The following UBE2U variants were observed in gnomAD, a reference collection of about 807,000 sequenced individuals.
The protein encoded by UBE2U is ubiquitin conjugating enzyme E2 U.
UBE2U carries 39 observed loss-of-function variants against 41.2 expected under a neutral mutation model. That is an observed-to-expected ratio of 0.95 (90% CI 0.73 to 1.24). The LOEUF (loss-of-function observed/expected upper bound fraction) is 1.24. Ranked by LOEUF, UBE2U falls within the 50% of genes most tolerant of loss-of-function variation. UBE2U has a pLI of 0.00. For missense variants in UBE2U, 336 were observed against 363.1 expected, an observed-to-expected ratio of 0.93 and a Z score of 0.61; for synonymous variants, 107 against 117.8, an observed-to-expected ratio of 0.91 and a Z score of 0.60.
intron 3 of UBE2U, among the ~76,000 whole-genome samples, chr1:64,207,468 TGTCTTTTTTCTGCATTATTAAACA>T (rs1651373198): frequency 1.3e-5 from 2 of 152,232 alleles, no homozygotes; most frequent in Admixed American, 1.3e-4. Flanking sequence ...TAAAACTATA[TGTCTTTTTTCTGCATTATTAAACA>T]GTCTTCAAAA....
chr1:64,232,593 A>G lies in UBE2U; in HGVS notation c.539A>G (p.Tyr180Cys), dbSNP rs1644587556. The change falls in exon 7 of 10, where the codon TAC becomes TGC. Residue 180 changes from tyrosine to cysteine, a missense_variant. Transcript: ENST00000371077. ...PIKTTSFSDY[Y>C]QTWSRIATSK... is the part of the protein sequence containing the mutation. ...AAAACAACCTCATTTAGTGATTACTACCAGACATGGTCCAGAATAGCTACA... is the reference window on the plus strand; with the variant it reads ...AAAACAACCTCATTTAGTGATTACTGCCAGACATGGTCCAGAATAGCTACA... The G allele has an allele frequency of 6.2e-7, 1 of 1,613,442 alleles. No homozygotes were observed. The highest frequency in any genetic ancestry group is 1.7e-5 in the Admixed American group (1 of 59,976).
At chr1:64,252,577 C>T (rs1037594081) in intron 8 of UBE2U, among the ~76,000 whole-genome samples, 2 of 152,156 alleles carry the variant, frequency 1.3e-5, no homozygotes, top group African/African-American at 4.8e-5. Context: ...TGTTTTGCAG[C>T]CCGCACTGGT....
chr1:64,264,833 C>T (rs1021494478), intron 9 of UBE2U, among the ~76,000 whole-genome samples: 1 of 152,008 alleles, frequency 6.6e-6, no homozygotes, highest in South Asian at 2.1e-4. Flanking sequence ...GCCTATAGTC[C>T]CAGTTACTTG....
chr1:64,263,256 C>A (rs544406540), intron 9 of UBE2U, among the ~76,000 whole-genome samples: 2 of 152,068 alleles, frequency 1.3e-5, no homozygotes, highest in Non-Finnish European at 2.9e-5. Flanking sequence ...CCTACATGAA[C>A]AAAACATGTT....
intron 6 of UBE2U, among the ~76,000 whole-genome samples, chr1:64,229,486 A>T (rs1653132045): frequency 6.6e-6 from 1 of 152,148 alleles, no homozygotes; most frequent in African/African-American, 2.4e-5. Context: ...TCCTGATTTT[A>T]TAGATGGGGA....
At chr1:64,229,811 T>C (rs1557720623) in intron 6 of UBE2U, among the ~76,000 whole-genome samples, 1 of 152,310 alleles carries the variant, frequency 6.6e-6, no homozygotes, top group Middle Eastern at 3.4e-3. Context: ...TTCAAAATAC[T>C]TACTAACTTT....
chr1:64,227,056 G>T (rs752094403), intron 6 of UBE2U, among the ~76,000 whole-genome samples: 2 of 152,166 alleles, frequency 1.3e-5, no homozygotes, highest in Non-Finnish European at 2.9e-5. Flanking sequence ...TCCAGCAAAA[G>T]TATTTGTTAA....
rs112692573 is a variant in UBE2U, at chr1:64,236,591, T to G, written c.595+3942T>G. ...CCTTAATGACAGAATATGATCCCCATAAGGAAATGTTTATGTTAGAGGAAA... is the reference window on the plus strand; with the variant it reads ...CCTTAATGACAGAATATGATCCCCAGAAGGAAATGTTTATGTTAGAGGAAA... On this transcript the variant is annotated intron_variant, in intron 7 of 9. Transcript: ENST00000371077. 2.7e-3 allele frequency among the ~76,000 whole-genome samples: 418 copies of G among 152,180 alleles called. 2 individuals are homozygous for G. The highest frequency in any genetic ancestry group is 9.6e-3 in the African/African-American group (399 of 41,528).
intron 7 of UBE2U, among the ~76,000 whole-genome samples, chr1:64,239,126 GAAGAAGAA>G (rs1644753049): frequency 4.4e-5 from 1 of 22,868 alleles, no homozygotes; most frequent in African/African-American, 2.3e-4. Flanking sequence ...AGAAGAAGAA[GAAGAAGAA>G]GAAGAAGAAG....
intron 9 of UBE2U, among the ~76,000 whole-genome samples, chr1:64,263,989 G>A (rs1242118931): frequency 6.6e-6 from 1 of 152,126 alleles, no homozygotes; most frequent in Non-Finnish European, 1.5e-5. Flanking sequence ...AGTGGGTCAC[G>A]ACTCTTTTTT....
chr1:64,266,124 G>C lies in UBE2U; in HGVS notation c.770-900G>C, dbSNP rs112343677. On this transcript the variant is annotated intron_variant, in intron 9 of 9. Transcript: ENST00000371077. ...CAGAACATAAATAGTACCAGCTAGA[G>C]TTCATCCCCAGAAAGCAAGGTCCCC... Among the ~76,000 whole-genome samples the C allele has an allele frequency of 1.5e-3, 225 of 152,312 alleles. 1 individual carries two copies. Among genetic ancestry groups the C allele is most frequent in the African/African-American group, 5.2e-3 (216 of 41,570 alleles).
At chr1:64,251,605 A>T (rs1189403593) in intron 8 of UBE2U, among the ~76,000 whole-genome samples, 1 of 152,162 alleles carries the variant, frequency 6.6e-6, no homozygotes, top group African/African-American at 2.4e-5. Context: ...ACCCAGGAGC[A>T]GCATGACGCC....
chr1:64,241,070 CTA>C (rs1442351646), intron 7 of UBE2U, among the ~76,000 whole-genome samples: 1 of 152,142 alleles, frequency 6.6e-6, no homozygotes, highest in Non-Finnish European at 1.5e-5. Context: ...TATAAGGTAA[CTA>C]GAGCAGGAAT....
intron 2 of UBE2U, among the ~76,000 whole-genome samples, chr1:64,206,511 G>T (rs374460198): frequency 3.3e-5 from 5 of 151,368 alleles, no homozygotes; most frequent in African/African-American, 9.7e-5. Flanking sequence ...TACAACAGAG[G>T]GGGTGGATGT....
At chr1:64,246,635 A>T (rs1644926236) in intron 8 of UBE2U, among the ~76,000 whole-genome samples, 1 of 152,122 alleles carries the variant, frequency 6.6e-6, no homozygotes, top group South Asian at 2.1e-4. Context: ...GGAAAAAATG[A>T]CTTTTGCCAA....
chr1:64,206,111 AT>A (rs1286942541), intron 2 of UBE2U, among the ~76,000 whole-genome samples: 1 of 152,084 alleles, frequency 6.6e-6, no homozygotes, highest in African/African-American at 2.4e-5. Flanking sequence ...TTCCTTTATG[AT>A]TTTCCCCCAA....
intron 8 of UBE2U, among the ~76,000 whole-genome samples, chr1:64,245,884 TG>T (rs1321243974): frequency 6.6e-6 from 1 of 152,150 alleles, no homozygotes; most frequent in Non-Finnish European, 1.5e-5. Flanking sequence ...AGTTTACCAG[TG>T]AGAGAAATGG....
chr1:64,258,719 C>A (rs868718998), intron 8 of UBE2U, among the ~76,000 whole-genome samples: 1 of 152,312 alleles, frequency 6.6e-6, no homozygotes, highest in East Asian at 1.9e-4. Context: ...TCCAGTCTAT[C>A]ATAGATGGAC....
intron 4 of UBE2U, among the ~76,000 whole-genome samples, chr1:64,211,324 A>C (rs1651649706): frequency 6.6e-6 from 1 of 152,252 alleles, no homozygotes; most frequent in Admixed American, 6.5e-5. Flanking sequence ...AACCCAGTGA[A>C]CAATTTATAC....
Sources: allele counts gnomAD v4.1 joint callset (sites outside exome capture counted in the v4.1 genomes callset), GRCh38; gene constraint gnomAD v4.1.1; transcripts MANE v1.5; gene names NCBI Gene and HGNC (gene_info 2026-07-23, HGNC 2026-07-21).